The following SMOC2 variants were observed in gnomAD, a reference collection of about 807,000 sequenced individuals.
The protein encoded by SMOC2 is SPARC-related modular calcium-binding protein 2.
Under a neutral mutation model 61.4 loss-of-function variants are expected in SMOC2, and 39 were observed. The ratio of observed to expected loss-of-function variants is 0.64; its 90% CI spans 0.49 to 0.83. The LOEUF (loss-of-function observed/expected upper bound fraction) is 0.83, where lower values mean the gene tolerates loss of function less well. Ranked by LOEUF, SMOC2 falls within the 40% of genes least tolerant of loss-of-function variation. SMOC2 has a pLI of 0.00. For synonymous variants in SMOC2, 247 were observed against 239.9 expected, an observed-to-expected ratio of 1.03 and a Z score of -0.27; for missense variants, 556 against 592.9, an observed-to-expected ratio of 0.94 and a Z score of 0.65.
intron 11 of SMOC2, among the ~76,000 whole-genome samples, chr6:168,663,793 G>A (rs9364268): frequency 0.034 from 5,199 of 152,284 alleles, 177 homozygotes; most frequent in East Asian, 0.21. Context: ...GTAGTCTACA[G>A]ATGATTTAAA....
chr6:168,488,821 A>G (rs1782396578), intron 1 of SMOC2, among the ~76,000 whole-genome samples: 2 of 151,496 alleles, frequency 1.3e-5, no homozygotes, highest in South Asian at 2.1e-4. Flanking sequence ...AGGGAAATAT[A>G]TCGAATCATC....
chr6:168,583,497 G>T (rs1467643597), intron 7 of SMOC2, among the ~76,000 whole-genome samples: 1 of 152,232 alleles, frequency 6.6e-6, no homozygotes, highest in East Asian at 1.9e-4. Context: ...TGCTTCTCAG[G>T]CATCTGCTGG....
chr6:168,608,148 C>T lies in SMOC2; in HGVS notation c.825-9C>T, dbSNP rs750979620. ...CTCTCTCCTTCCCCCGCCTTCCCCC[C>T]GCCCATAGGTACGAGCAGCCGAAAT... On this transcript the variant is annotated splice_polypyrimidine_tract_variant and intron_variant, in intron 8 of 12. Coordinates refer to ENST00000356284, the MANE Select transcript of SMOC2 (RefSeq NM_001166412.2). 1.6e-5 allele frequency: 26 copies of T among 1,610,184 alleles called. No homozygotes were observed. The highest frequency in any genetic ancestry group is 6.7e-5 in the Admixed American group (4 of 59,738).
chr6:168,518,890 C>A (rs554434717), intron 2 of SMOC2, among the ~76,000 whole-genome samples: 1 of 147,580 alleles, frequency 6.8e-6, no homozygotes, highest in African/African-American at 2.5e-5. Context: ...TCTGAGCATG[C>A]GTGTGTGTGC....
intron 4 of SMOC2, among the ~76,000 whole-genome samples, chr6:168,537,594 C>T (rs1214994873): frequency 1.3e-5 from 2 of 152,270 alleles, no homozygotes; most frequent in African/African-American, 4.8e-5. Flanking sequence ...GAAGCACGTT[C>T]TGTTCTTCGC....
chr6:168,525,277 G>T (rs1301701465), intron 2 of SMOC2, among the ~76,000 whole-genome samples: 1 of 152,220 alleles, frequency 6.6e-6, no homozygotes, highest in Non-Finnish European at 1.5e-5. Context: ...CTGTTCTTAG[G>T]ACAAGCCTTT....
In SMOC2 at chr6:168,494,820, C is replaced by T. The variant is rs182088280; in HGVS notation, c.85-15095C>T. Reference sequence around the variant, plus strand: ...TGGCTGGGAAGGGCGGGCACCACTTCGCTCCCAGCTGCTGGGATGGAATCA... The same window carrying T: ...TGGCTGGGAAGGGCGGGCACCACTTTGCTCCCAGCTGCTGGGATGGAATCA... On this transcript the variant is annotated intron_variant, in intron 1 of 12. Coordinates refer to ENST00000356284, the MANE Select transcript of SMOC2 (RefSeq NM_001166412.2). Among the ~76,000 whole-genome samples the T allele has an allele frequency of 3.8e-3, 574 of 152,320 alleles. 3 individuals are homozygous for T. Among genetic ancestry groups the T allele is most frequent in the African/African-American group, 0.013 (549 of 41,572 alleles).
At chr6:168,521,745 G>A (rs1218585614) in intron 2 of SMOC2, among the ~76,000 whole-genome samples, 1 of 152,106 alleles carries the variant, frequency 6.6e-6, no homozygotes, top group East Asian at 1.9e-4. Flanking sequence ...TGCCAGTCGT[G>A]GTGCCTGTCT....
At chr6:168,560,468 A>AT (rs1246935879) in intron 7 of SMOC2, among the ~76,000 whole-genome samples, 1 of 152,236 alleles carries the variant, frequency 6.6e-6, no homozygotes, top group Non-Finnish European at 1.5e-5. Context: ...CTGAAGAAGA[A>AT]TGCGTCCTCT....
chr6:168,578,741 A>G (rs1182752074), intron 7 of SMOC2, among the ~76,000 whole-genome samples: 1 of 152,212 alleles, frequency 6.6e-6, no homozygotes, highest in Non-Finnish European at 1.5e-5. Flanking sequence ...CATGTCATGA[A>G]TTTGCTGAGT....
chr6:168,456,065 A>AGGGC (rs920656497), intron 1 of SMOC2, among the ~76,000 whole-genome samples: 2 of 152,190 alleles, frequency 1.3e-5, no homozygotes, highest in African/African-American at 4.8e-5. Context: ...GAGCCCAGGG[A>AGGGC]GGGCGGAGTG....
At chr6:168,601,361 C>T (rs534373961) in intron 8 of SMOC2, among the ~76,000 whole-genome samples, 6 of 152,338 alleles carry the variant, frequency 3.9e-5, no homozygotes, top group Middle Eastern at 3.4e-3. Context: ...CCCCACTCAG[C>T]CGACACTGCA....
chr6:168,584,135 C>A (rs373095590), intron 7 of SMOC2, among the ~76,000 whole-genome samples: 1 of 152,124 alleles, frequency 6.6e-6, no homozygotes, highest in African/African-American at 2.4e-5. Context: ...TGGAAGCAGG[C>A]GATTAAGAAG....
intron 9 of SMOC2, among the ~76,000 whole-genome samples, chr6:168,611,872 C>G (rs562462797): frequency 6.6e-6 from 1 of 152,132 alleles, no homozygotes; most frequent in Non-Finnish European, 1.5e-5. Context: ...GATGCCCAGG[C>G]GGCCGGCCAC....
chr6:168,531,439 G>A (rs1291873179), intron 4 of SMOC2, among the ~76,000 whole-genome samples: 3 of 152,224 alleles, frequency 2.0e-5, no homozygotes, highest in Non-Finnish European at 1.5e-5. Flanking sequence ...TTTCTCTAGC[G>A]TCCTTCCCTG....
At chr6:168,597,597 T>C (rs1785365126) in intron 7 of SMOC2, among the ~76,000 whole-genome samples, 1 of 152,222 alleles carries the variant, frequency 6.6e-6, no homozygotes, top group Admixed American at 6.5e-5. Flanking sequence ...CTGTCTGATA[T>C]CACCTTTAGG....
intron 9 of SMOC2, among the ~76,000 whole-genome samples, chr6:168,644,326 G>A (rs1786969857): frequency 6.6e-6 from 1 of 152,168 alleles, no homozygotes; most frequent in African/African-American, 2.4e-5. Flanking sequence ...CTGCTTTTCT[G>A]TACCAGGTCG....
At chr6:168,448,261 C>T (rs1399255548) in intron 1 of SMOC2, among the ~76,000 whole-genome samples, 1 of 142,510 alleles carries the variant, frequency 7.0e-6, no homozygotes, top group Admixed American at 7.2e-5. Flanking sequence ...CTGGTGGTGA[C>T]CTGGGCTTTC....
chr6:168,506,586 G>A (rs1331400149), intron 1 of SMOC2, among the ~76,000 whole-genome samples: 1 of 152,140 alleles, frequency 6.6e-6, no homozygotes, highest in Non-Finnish European at 1.5e-5. Context: ...GATCCATTGA[G>A]TCTGTCTGAC....
Sources: allele counts gnomAD v4.1 joint callset (sites outside exome capture counted in the v4.1 genomes callset), GRCh38; gene constraint gnomAD v4.1.1; transcripts MANE v1.5; gene names NCBI Gene and HGNC (gene_info 2026-07-23, HGNC 2026-07-21).